The following RCAN1 variants were observed in gnomAD, a reference collection of about 807,000 sequenced individuals.
The protein encoded by RCAN1 is calcipressin-1.
A neutral mutation model predicts 22.9 loss-of-function variants in RCAN1; 11 were observed. The observed-to-expected ratio is 0.48, with a 90% CI of 0.30 to 0.79. The LOEUF (loss-of-function observed/expected upper bound fraction) is 0.79. Among genes scored for constraint, RCAN1 ranks in the 30% least tolerant of loss-of-function variants. RCAN1 has a pLI of 0.06. For missense variants in RCAN1, 291 were observed against 337.8 expected, an observed-to-expected ratio of 0.86 and a Z score of 1.09; for synonymous variants, 136 against 142.3, an observed-to-expected ratio of 0.96 and a Z score of 0.32.
intron 1 of RCAN1, among the ~76,000 whole-genome samples, chr21:34,541,057 T>C (rs1985892336): frequency 6.6e-6 from 1 of 152,126 alleles, no homozygotes; most frequent in African/African-American, 2.4e-5. Flanking sequence ...AGTAGTCTAC[T>C]AGGGCCTCCA....
intron 1 of RCAN1, among the ~76,000 whole-genome samples, chr21:34,570,850 T>C (rs1289569055): frequency 6.6e-6 from 1 of 152,168 alleles, no homozygotes; most frequent in Non-Finnish European, 1.5e-5. Context: ...GAAATTTACA[T>C]GACTTAGGAT....
intron 3 of RCAN1, among the ~76,000 whole-genome samples, chr21:34,520,213 C>A (rs1444234434): frequency 6.6e-6 from 1 of 152,172 alleles, no homozygotes; most frequent in Non-Finnish European, 1.5e-5. Flanking sequence ...CTCCAATAAG[C>A]CCTCGGTGAA....
At chr21:34,545,875 T>G (rs1168866997) in intron 1 of RCAN1, among the ~76,000 whole-genome samples, 1 of 152,224 alleles carries the variant, frequency 6.6e-6, no homozygotes, top group Non-Finnish European at 1.5e-5. Flanking sequence ...ATTCGAAGAA[T>G]AGCCCCAGCA....
intron 1 of RCAN1, chr21:34,526,772 G>T: frequency 6.2e-7 from 1 of 1,604,712 alleles, no homozygotes; most frequent in South Asian, 1.1e-5. Flanking sequence ...CAGTGAAAGC[G>T]CTACAGACCC....
At chr21:34,593,878 T>C (rs1988056495) in intron 1 of RCAN1, among the ~76,000 whole-genome samples, 1 of 152,200 alleles carries the variant, frequency 6.6e-6, no homozygotes, top group African/African-American at 2.4e-5. Context: ...TGCCCACTGC[T>C]CCAGACAGAC....
rs1378470351 is a variant in RCAN1, at chr21:34,614,558, C to T, written c.252+202G>A. 1 of 1,005,010 alleles carries T rather than the reference C, an allele frequency of 1.0e-6. No homozygotes were observed. The allele number at this position is 1,005,010 out of a possible 1,614,324, so 62.3% of individuals were successfully genotyped here. On this transcript the variant is annotated intron_variant, in intron 1 of 3. Coordinates refer to ENST00000313806, the MANE Select transcript of RCAN1 (RefSeq NM_004414.7). The surrounding 1 kb of genome is among the most constrained non-coding windows in gnomAD (Gnocchi z 6.0). ...GGACTCTGCAGTGAGCTCCGCGCGCCCCGGGGGTGCTAGGGGACCGGGACC... is the reference window on the plus strand; with the variant it reads ...GGACTCTGCAGTGAGCTCCGCGCGCTCCGGGGGTGCTAGGGGACCGGGACC...
intron 1 of RCAN1, among the ~76,000 whole-genome samples, chr21:34,573,249 C>T (rs566048973): frequency 3.0e-4 from 46 of 152,238 alleles, no homozygotes; most frequent in African/African-American, 1.1e-3. Flanking sequence ...CTCGGTTCTT[C>T]TTGGGACACA....
At chr21:34,525,196 A>C in intron 1 of RCAN1, 1 of 1,550,626 alleles carries the variant, frequency 6.4e-7, no homozygotes, top group Admixed American at 2.0e-5. Flanking sequence ...GCGGGGAGGC[A>C]CTGGTGGATG....
chr21:34,563,240 A>G lies in RCAN1; in HGVS notation c.253-39530T>C, dbSNP rs544129449. ...ACTCAACTTGGGGCCAATCTGACAG[A>G]ATATTTTTGAGTTAAAATTTAGGGT... On this transcript the variant is annotated intron_variant, in intron 1 of 3. Coordinates refer to ENST00000313806, the MANE Select transcript of RCAN1 (RefSeq NM_004414.7). Among the ~76,000 whole-genome samples, 5 of 152,318 alleles carry G rather than the reference A, an allele frequency of 3.3e-5. No individual in the cohort carries two copies. The South Asian group carries it at 8.3e-4, about 25-fold the overall frequency.
At position 34,516,944 on chromosome 21, in the gene RCAN1, C is replaced by G. The variant is rs2123553354; in HGVS notation, c.*1140G>C. 1 of 152,778 alleles carries G rather than the reference C, an allele frequency of 6.5e-6. No individual in the cohort carries two copies. Among genetic ancestry groups the G allele is most frequent in the South Asian group, 2.1e-4 (1 of 4,826 alleles). 9.5% of individuals were successfully genotyped at this position (152,778 alleles called of 1,614,324 possible). A position where few individuals can be genotyped will look rare whatever the true frequency, so the allele number is the denominator to read the frequency against. On this transcript the variant is annotated 3_prime_UTR_variant, in exon 4 of 4. Transcript: ENST00000313806. ...GCATCCCTCTCATATCGCCACAGATCTACTATCCACTTGACATGCTTTGAA... is the reference window on the plus strand; with the variant it reads ...GCATCCCTCTCATATCGCCACAGATGTACTATCCACTTGACATGCTTTGAA...
intron 1 of RCAN1, among the ~76,000 whole-genome samples, chr21:34,578,569 T>G (rs1987492471): frequency 1.3e-5 from 2 of 151,910 alleles, no homozygotes; most frequent in African/African-American, 2.4e-5. Context: ...CAGACCAGGG[T>G]CAATTCCTGG....
intron 1 of RCAN1, among the ~76,000 whole-genome samples, chr21:34,568,292 T>G (rs1987106323): frequency 6.6e-6 from 1 of 152,194 alleles, no homozygotes; most frequent in Non-Finnish European, 1.5e-5. Context: ...CTAAAAGTGC[T>G]CTACCTTTGA....
At chr21:34,547,921 A>T (rs1171073964) in intron 1 of RCAN1, among the ~76,000 whole-genome samples, 1 of 152,318 alleles carries the variant, frequency 6.6e-6, no homozygotes, top group Admixed American at 6.5e-5. Flanking sequence ...GGACTAAGAC[A>T]TGGTATTTGG....
intron 1 of RCAN1, among the ~76,000 whole-genome samples, chr21:34,587,764 T>C (rs1384761161): frequency 6.6e-6 from 1 of 152,232 alleles, no homozygotes; most frequent in Admixed American, 6.5e-5. Flanking sequence ...TAATTTTATG[T>C]GTGAACTTGG....
rs762010328 is a variant in RCAN1 at position 34,521,581 on chromosome 21, C to T, written c.504G>A (p.Pro168=). ...KQFLISPPAS[P]PVGWKQVEDA... ...CTTCCACTTGTTTCCATCCCACTGG[C>T]GGAGAGGCGGGAGGGGAGATCAGAA... Residue 168 remains proline (P), a synonymous_variant, in exon 3 of 4, where the codon CCG becomes CCA. Transcript: ENST00000313806. 148 of 1,614,032 alleles carry T rather than the reference C, an allele frequency of 9.2e-5. No homozygotes were observed. The highest frequency in any genetic ancestry group is 1.6e-4 in the Middle Eastern group (1 of 6,084).
intron 1 of RCAN1, chr21:34,525,667 C>G (rs1462123236): frequency 3.6e-6 from 1 of 274,390 alleles, no homozygotes; most frequent in Non-Finnish European, 6.7e-6. Context: ...TACTATGATG[C>G]CTTTCTCTTA....
chr21:34,531,532 T>G (rs3787719), intron 1 of RCAN1, among the ~76,000 whole-genome samples: 127,583 of 152,096 alleles, frequency 0.84, 53,719 homozygotes, highest in East Asian at 0.92. Context: ...TCGCTTGGCC[T>G]GTGTCTTACC....
intron 1 of RCAN1, among the ~76,000 whole-genome samples, chr21:34,530,973 A>AAAAAC (rs1985362375): frequency 6.6e-6 from 1 of 152,314 alleles, no homozygotes; most frequent in Non-Finnish European, 1.5e-5. Context: ...GTTACTACAC[A>AAAAAC]AAAACAAAAC....
chr21:34,545,302 C>T (rs778526251), intron 1 of RCAN1, among the ~76,000 whole-genome samples: 3 of 152,158 alleles, frequency 2.0e-5, no homozygotes, highest in African/African-American at 4.8e-5. Context: ...TTCCAAAACT[C>T]GGGCAGAGGA....
Sources: gnomAD v4.1 joint callset for allele counts (sites outside exome capture counted in the v4.1 genomes callset) on GRCh38, gnomAD v4.1.1 for gene constraint, Gnocchi (gnomAD v3.1) non-coding constraint, MANE v1.5 for transcripts, NCBI Gene and HGNC (gene_info 2026-07-23, HGNC 2026-07-21) for gene names.